The following KMT2D variants were observed in gnomAD, a reference collection of about 807,000 sequenced individuals.
The protein encoded by KMT2D is lysine methyltransferase 2D.
KMT2D carries 55 observed loss-of-function variants against 512.7 expected under a neutral mutation model. The observed-to-expected ratio is 0.11, with a 90% CI of 0.09 to 0.13. The LOEUF (loss-of-function observed/expected upper bound fraction) is 0.13, where lower values mean the gene tolerates loss of function less well. Ranked by LOEUF, KMT2D falls within the 10% of genes least tolerant of loss-of-function variation. The probability of loss-of-function intolerance (pLI) is 1.00; values close to 1 mark genes in which losing one functional copy is unlikely to be tolerated. For synonymous variants in KMT2D, 2,995 were observed against 2,904.0 expected, an observed-to-expected ratio of 1.03 and a Z score of -1.01; for missense variants, 6,061 against 7,127.9, an observed-to-expected ratio of 0.85 and a Z score of 5.39.
intron 39 of KMT2D, 45 bp from the exon 40 acceptor site, chr12:49,034,009 C>A (rs138549243): frequency 2.6e-6 from 4 of 1,566,140 alleles, no homozygotes; most frequent in Non-Finnish European, 2.6e-6. Context: ...CATGCTCCCC[C>A]CATGCCAACC....
In KMT2D at chr12:49,054,046, C is replaced by A. The variant is rs2120703721; in HGVS notation, c.605G>T (p.Gly202Val). The change falls in exon 6 of 55, where the codon GGT (glycine) becomes GTT (valine). Residue 202 changes from glycine to valine, a missense_variant. Physicochemically the swap from Gly to Val is moderately radical, Grantham distance 109 (BLOSUM62 -3). This residue lies in a region of KMT2D where 160 missense variants were observed against 225.8 expected (regional missense o/e 0.71). Transcript: ENST00000301067. This position sits in a 1 kb window ranked among gnomAD's most constrained non-coding sequence, Gnocchi z 6.4. ...CAGTGTTTTCATGGATAGGAAGGAA[C>A]CGCTGGCAGTCGCGCAGGGGAAGTG... ...LYHFPCATAS[G>V]SFLSMKTLQL... The A allele has an allele frequency of 6.2e-7, 1 of 1,613,952 alleles. No homozygotes were observed. Among genetic ancestry groups the A allele is most frequent in the South Asian group, 1.1e-5 (1 of 91,086 alleles).
Position 49,051,390 on chromosome 12 carries a change from C to T in KMT2D, c.2293G>A (p.Ala765Thr). Residue 765 changes from alanine (A) to threonine (T), a missense_variant, in exon 11 of 55, where the codon GCT (alanine) becomes ACT (threonine). Physicochemically the swap from Ala to Thr is moderately conservative, Grantham distance 58. Coordinates refer to ENST00000301067, the MANE Select transcript of KMT2D (RefSeq NM_003482.4). ...RPEEPHLSPQAEEPHLSPQPE... is the reference protein window; with the variant it reads ...RPEEPHLSPQTEEPHLSPQPE... Reference sequence around the variant, plus strand: ...TGGGGGGACAGGTGTGGCTCCTCAGCCTGCGGAGATAGGTGTGGCTCCTCA... The same window carrying T: ...TGGGGGGACAGGTGTGGCTCCTCAGTCTGCGGAGATAGGTGTGGCTCCTCA... 6.4e-7 allele frequency: 1 copy of T among 1,551,268 alleles called. No individual in the cohort carries two copies. Among genetic ancestry groups the T allele is most frequent in the Non-Finnish European group, 8.7e-7 (1 of 1,152,592 alleles).
At position 49,043,936 on chromosome 12, in the gene KMT2D, TCTC is replaced by T. The variant is rs1403096314; in HGVS notation, c.5248_5250del (p.Glu1750del). 1 of 1,613,912 alleles carries T rather than the reference TCTC, an allele frequency of 6.2e-7. No homozygotes were observed. Among genetic ancestry groups the T allele is most frequent in the Admixed American group, 1.7e-5 (1 of 60,008 alleles). On this transcript the variant is annotated inframe_deletion, in exon 23 of 55. Transcript: ENST00000301067. The stretch of plus-strand genomic sequence containing the variant: ...CGCCCTCGCCGCTGTTGCTTCTTCT[TCTC>T]ATCCCCTTCAGCTAAGCTCTGCTCC...
chr12:49,053,744 C>A, intron 6 of KMT2D, 103 bp from the exon 7 acceptor site: 1 of 1,351,738 alleles, frequency 7.4e-7, no homozygotes, highest in Non-Finnish European at 1.0e-6. Context: ...AATGAACAAA[C>A]AACAAAGTTA....
Position 49,058,463 on chromosome 12 carries a change from A to G in KMT2D, c.-38+1150T>C, listed in dbSNP as rs559245942. Among the ~76,000 whole-genome samples, 8 of 152,322 alleles carry G rather than the reference A, an allele frequency of 5.3e-5. No homozygotes were observed. In the South Asian group the frequency reaches 1.5e-3, roughly 28 times the overall value. The stretch of plus-strand genomic sequence containing the variant: ...ATGTTGGAGCAGATAAGAGTGAGGG[A>G]GCAAAATGCACCAGCCAAATCCCTG... On this transcript the variant is annotated intron_variant, in intron 1 of 54. Transcript: ENST00000301067.
rs996619643 is a variant in KMT2D, at chr12:49,020,520, G to A, written c.*1260C>T. 26 of 202,600 alleles carry A rather than the reference G, an allele frequency of 1.3e-4. No homozygotes were observed. Among genetic ancestry groups the A allele is most frequent in the Admixed American group, 3.0e-4 (5 of 16,596 alleles). The allele number at this position is 202,600 out of a possible 1,614,324, so 12.6% of individuals were successfully genotyped here. ...AGGGGAGGGTTCTCACCTCCAGCCG[G>A]CTCCCCCATGCCCCACAAGACTATG... is the stretch of plus-strand genomic sequence containing the variant. On this transcript the variant is annotated 3_prime_UTR_variant, in exon 55 of 55. Transcript: ENST00000301067.
Position 49,052,231 on chromosome 12 carries a change from G to T in KMT2D, c.1452C>A (p.His484Gln). The T allele has an allele frequency of 6.2e-7, 1 of 1,612,568 alleles. No homozygotes were observed. The highest frequency in any genetic ancestry group is 8.5e-7 in the Non-Finnish European group (1 of 1,179,422). The change falls in exon 11 of 55, where the codon CAC (histidine) becomes CAA (glutamine). Residue 484 changes from histidine to glutamine, a missense_variant. His to Gln is a conservative substitution (Grantham distance 24, BLOSUM62 0). Transcript: ENST00000301067. ...LPASPLPEAL[H>Q]LSRPLEESPL... is the part of the protein sequence containing the mutation. ...GCGATTCCTCCAGCGGCCGGGACAG[G>T]TGCAATGCCTCAGGAAGTGGGGATG...
intron 43 of KMT2D, among the ~76,000 whole-genome samples, 192 bp from the exon 44 acceptor site, chr12:49,029,668 G>T (rs891389472): frequency 2.0e-4 from 24 of 117,438 alleles, no homozygotes; most frequent in South Asian, 3.0e-4. Context: ...GTTGTTTTTT[G>T]TTTTTTTTGT....
At chr12:49,028,285 A>G (rs2120381191) in intron 46 of KMT2D, 144 bp from the exon 47 acceptor site, 1 of 996,238 alleles carries the variant, frequency 1.0e-6, no homozygotes, top group East Asian at 2.7e-5. Flanking sequence ...CTTTTCATAC[A>G]CTTCCCTCAC....
rs1299136416 is a variant in KMT2D at position 49,050,152 on chromosome 12, T to C, written c.3436A>G (p.Ser1146Gly). The change falls in exon 12 of 55, where the codon AGT becomes GGT. Residue 1146 changes from serine (S) to glycine (G), a missense_variant. Physicochemically the swap from Ser to Gly is moderately conservative, Grantham distance 56 (BLOSUM62 0). Coordinates refer to ENST00000301067, the MANE Select transcript of KMT2D (RefSeq NM_003482.4). ...EPGQTPGSLA[S>G]ELKGSPVLLD... ...AGCACAGGGGAGCCTTTAAGTTCAC[T>C]AGCCAAACTGCCAGGGGTCTGTCCA... 4 of 1,613,586 alleles carry C rather than the reference T, an allele frequency of 2.5e-6. No individual in the cohort carries two copies. The highest frequency in any genetic ancestry group is 3.4e-6 in the Non-Finnish European group (4 of 1,179,802).
At position 49,026,508 on chromosome 12, in the gene KMT2D, C is replaced by T. The variant is rs773972943; in HGVS notation, c.15458G>A (p.Arg5153Gln). 1.9e-6 allele frequency: 3 copies of T among 1,613,900 alleles called. No individual in the cohort carries two copies. The highest frequency in any genetic ancestry group is 2.5e-6 in the Non-Finnish European group (3 of 1,179,886). ...CTCGTCCCGCTCAATGTAGACCCGC[C>T]GGAAGACAGCAAAAGAGCTCAGCTC... Reference protein sequence around the residue: ...EQELSSFAVFRRVYIERDEVK... With the variant: ...EQELSSFAVFQRVYIERDEVK... The change falls in exon 49 of 55, where the codon CGG becomes CAG. Residue 5153 changes from arginine to glutamine, a missense_variant. Coordinates refer to ENST00000301067, the MANE Select transcript of KMT2D (RefSeq NM_003482.4). This position sits in a 1 kb window ranked among gnomAD's most constrained non-coding sequence, Gnocchi z 9.6.
At position 49,026,792 on chromosome 12, in the gene KMT2D, C is replaced by A; in HGVS notation, c.15174G>T (p.Val5058=). 6.2e-7 allele frequency: 1 copy of A among 1,612,510 alleles called. No individual in the cohort carries two copies. The highest frequency in any genetic ancestry group is 8.5e-7 in the Non-Finnish European group (1 of 1,178,616). Residue 5058 remains valine (V), a synonymous_variant, in exon 49 of 55, where the codon GTG becomes GTT. Transcript: ENST00000301067. This position sits in a 1 kb window ranked among gnomAD's most constrained non-coding sequence, Gnocchi z 9.6. Reference sequence around the variant, plus strand: ...TGGACCAAAGGGCACAGTTGAGGTGCACCCACAGGTCCAGGTCCAGGTTCA... The same window carrying A: ...TGGACCAAAGGGCACAGTTGAGGTGAACCCACAGGTCCAGGTCCAGGTTCA... ...RLLNLDLDLW[V]HLNCALWSTE...
Position 49,051,655 on chromosome 12 carries a change from C to T in KMT2D, c.2028G>A (p.Glu676=), listed in dbSNP as rs906039207. 35 of 1,569,954 alleles carry T rather than the reference C, an allele frequency of 2.2e-5. No individual in the cohort carries two copies. The highest frequency in any genetic ancestry group is 2.9e-5 in the Non-Finnish European group (34 of 1,156,478). Residue 676 remains glutamate (E), a synonymous_variant, in exon 11 of 55, where the codon GAG becomes GAA. Transcript: ENST00000301067. The stretch of plus-strand genomic sequence containing the variant: ...CAGGTGGAGGGGACGTGGGAGACTC[C>T]TCAGGCGGTGGGGACAAGGGAGATT... ...PEESPLSPPP[E]ESPTSPPPEA... is the part of the protein sequence containing the mutation.
chr12:49,046,916 G>C lies in KMT2D; in HGVS notation c.4237-126C>G. 2 of 776,838 alleles carry C rather than the reference G, an allele frequency of 2.6e-6. No homozygotes were observed. The highest frequency in any genetic ancestry group is 4.0e-6 in the Non-Finnish European group (2 of 496,864). The allele number at this position is 776,838 out of a possible 1,614,324, so 48.1% of individuals were successfully genotyped here. A position where few individuals can be genotyped will look rare whatever the true frequency, so the allele number is the denominator to read the frequency against. Reference sequence around the variant, plus strand: ...GCTGGAGTGCAATGGCGCGATCTCGGCTCACTGCAACCTCTGCCTCTCAGG... The same window carrying C: ...GCTGGAGTGCAATGGCGCGATCTCGCCTCACTGCAACCTCTGCCTCTCAGG... On this transcript the variant is annotated intron_variant, in intron 15 of 54. Transcript: ENST00000301067. The surrounding 1 kb of genome is among the most constrained non-coding windows in gnomAD (Gnocchi z 4.2).
At position 49,038,072 on chromosome 12, in the gene KMT2D, C is replaced by T. The variant is rs1943314097; in HGVS notation, c.9284G>A (p.Gly3095Asp). The T allele has an allele frequency of 6.2e-7, 1 of 1,613,412 alleles. No homozygotes were observed. Among genetic ancestry groups the T allele is most frequent in the Non-Finnish European group, 8.5e-7 (1 of 1,179,742 alleles). Residue 3095 changes from glycine (G) to aspartate (D), a missense_variant, in exon 35 of 55, where the codon GGC (glycine) becomes GAC (aspartate). Coordinates refer to ENST00000301067, the MANE Select transcript of KMT2D (RefSeq NM_003482.4). This position sits in a 1 kb window ranked among gnomAD's most constrained non-coding sequence, Gnocchi z 5.7. Reference protein sequence around the residue: ...LLRGVEPGPLGPEERPPPAAD... With the variant: ...LLRGVEPGPLDPEERPPPAAD... ...AGCAGGGGGAGGGCGCTCCTCAGGGCCCAAGGGTCCTGGCTCCACCCCCCG... is the reference window on the plus strand; with the variant it reads ...AGCAGGGGGAGGGCGCTCCTCAGGGTCCAAGGGTCCTGGCTCCACCCCCCG...
Position 49,039,954 on chromosome 12 carries a change from C to T in KMT2D, c.7816G>A (p.Gly2606Arg), listed in dbSNP as rs756115784. ...GACGGAGGGCGTAGTGGGGACAGCC[C>T]ATAGCTCTCCCCTGTGGACCCGCTG... ...PSSGSTGESY[G>R]LSPLRPPSVL... The change falls in exon 32 of 55, where the codon GGG (glycine) becomes AGG (arginine). Residue 2606 changes from glycine (G) to arginine (R), a missense_variant. Physicochemically the swap from Gly to Arg is moderately radical, Grantham distance 125. Transcript: ENST00000301067. The surrounding 1 kb of genome is among the most constrained non-coding windows in gnomAD (Gnocchi z 5.0). 6.2e-7 allele frequency: 1 copy of T among 1,613,868 alleles called. No individual in the cohort carries two copies. Among genetic ancestry groups the T allele is most frequent in the Non-Finnish European group, 8.5e-7 (1 of 1,179,820 alleles).
At position 49,024,521 on chromosome 12, in the gene KMT2D, G is replaced by A. The variant is rs1942477848; in HGVS notation, c.16052+57C>T. On this transcript the variant is annotated intron_variant, in intron 51 of 54. Transcript: ENST00000301067. The surrounding 1 kb of genome is among the most constrained non-coding windows in gnomAD (Gnocchi z 4.5). The stretch of plus-strand genomic sequence containing the variant: ...ATCCTAAATCCTCATAATGGGACCA[G>A]AGGATCCCTGTCAACACCCACACCC... 1.9e-6 allele frequency: 3 copies of A among 1,547,880 alleles called. No homozygotes were observed. The East Asian group carries it at 6.8e-5, about 35-fold the overall frequency.
chr12:49,033,176 C>T lies in KMT2D; in HGVS notation c.11529G>A (p.Gln3843=), dbSNP rs914506155. Reference sequence around the variant, plus strand: ...GCCTGTGTCCCATAAGGCCCTGACCCTGCTGTGCCAGCTGGGGGGAACTGA... The same window carrying T: ...GCCTGTGTCCCATAAGGCCCTGACCTTGCTGTGCCAGCTGGGGGGAACTGA... ...RVLSSPQLAQ[Q]GQGLMGHRLV... Residue 3843 remains glutamine, a synonymous_variant, in exon 40 of 55, where the codon CAG becomes CAA. Transcript: ENST00000301067. The T allele has an allele frequency of 2.6e-6, 4 of 1,550,348 alleles. No individual in the cohort carries two copies. The African/African-American group carries it at 5.5e-5, about 21-fold the overall frequency.
chr12:49,056,232 A>C (rs1938400316), intron 1 of KMT2D, among the ~76,000 whole-genome samples: 1 of 152,228 alleles, frequency 6.6e-6, no homozygotes, highest in Admixed American at 6.5e-5. Flanking sequence ...ACAGGGCAGG[A>C]CATAGCACAG....
Sources: gnomAD v4.1 joint callset for allele counts (sites outside exome capture counted in the v4.1 genomes callset) on GRCh38, gnomAD v4.1.1 for gene constraint, gnomAD v4.1.1 regional missense constraint, Gnocchi (gnomAD v3.1) non-coding constraint, MANE v1.5 for transcripts, NCBI Gene and HGNC (gene_info 2026-07-23, HGNC 2026-07-21) for gene names.